The following PALM2AKAP2 variants were observed in gnomAD, a reference collection of about 807,000 sequenced individuals.
PALM2AKAP2 encodes the protein PALM2 and AKAP2 fusion, also known as PALM2-AKAP2 fusion protein.
A neutral mutation model predicts 71.5 loss-of-function variants in PALM2AKAP2; 37 were observed. That is an observed-to-expected ratio of 0.52 (90% CI 0.40 to 0.68). The LOEUF (loss-of-function observed/expected upper bound fraction) is 0.68. Ranked by LOEUF, PALM2AKAP2 falls within the 30% of genes least tolerant of loss-of-function variation. PALM2AKAP2 has a pLI of 0.00. For synonymous variants in PALM2AKAP2, 468 were observed against 478.8 expected, an observed-to-expected ratio of 0.98 and a Z score of 0.29; for missense variants, 1,224 against 1,191.8, an observed-to-expected ratio of 1.03 and a Z score of -0.40.
intron 6 of PALM2AKAP2, among the ~76,000 whole-genome samples, chr9:109,948,411 G>A (rs1831561449): frequency 6.6e-6 from 1 of 152,132 alleles, no homozygotes; most frequent in Admixed American, 6.5e-5. Flanking sequence ...AAAAGAACTT[G>A]ATTTCAATAT....
intron 1 of PALM2AKAP2, among the ~76,000 whole-genome samples, chr9:110,063,642 C>G (rs1322617863): frequency 6.6e-6 from 1 of 151,928 alleles, no homozygotes; most frequent in Non-Finnish European, 1.5e-5. Flanking sequence ...CAAAATTTCA[C>G]CACGTTGGCC....
rs76261117 is a variant in PALM2AKAP2 at position 109,942,780 on chromosome 9, T to A, written c.496+10752T>A. 6.1e-4 allele frequency: 992 copies of A among 1,614,070 alleles called. 10 individuals carry two copies. In the East Asian group the frequency reaches 0.02, roughly 33 times the overall value. The stretch of plus-strand genomic sequence containing the variant: ...CTACCATTGGCCCAGAGGGGGTCCA[T>A]CAGAAAGGAGTCAAAGTCTATGATG... On this transcript the variant is annotated intron_variant, in intron 6 of 9. Coordinates refer to the PALM2AKAP2 transcript ENST00000302798.
chr9:109,795,469 A>C (rs1457366007), intron 1 of PALM2AKAP2, among the ~76,000 whole-genome samples: 2 of 152,208 alleles, frequency 1.3e-5, no homozygotes, highest in African/African-American at 4.8e-5. Flanking sequence ...CTAAAACTTA[A>C]AGTATAATAA....
intron 1 of PALM2AKAP2, among the ~76,000 whole-genome samples, chr9:109,805,308 C>T (rs952232664): frequency 1.3e-5 from 2 of 152,212 alleles, no homozygotes; most frequent in Non-Finnish European, 2.9e-5. Flanking sequence ...GCCATGTGAT[C>T]ACCCTAGCTC....
chr9:110,025,060 G>T (rs1253033588), intron 7 of PALM2AKAP2: 4 of 1,137,028 alleles, frequency 3.5e-6, no homozygotes, highest in Non-Finnish European at 4.0e-6. Context: ...AAGCTATCTC[G>T]GCTCAGAGTG....
At chr9:109,641,880 T>C (rs1254237271) in intron 1 of PALM2AKAP2, among the ~76,000 whole-genome samples, 1 of 152,168 alleles carries the variant, frequency 6.6e-6, no homozygotes, top group Non-Finnish European at 1.5e-5. Flanking sequence ...TCTGATTGTG[T>C]AGATGCAATT....
chr9:110,074,002 T>G (rs576907890), intron 1 of PALM2AKAP2, among the ~76,000 whole-genome samples: 8 of 152,142 alleles, frequency 5.3e-5, no homozygotes, highest in Non-Finnish European at 1.0e-4. Flanking sequence ...AATCAAATAA[T>G]CAAATCTAAC....
intron 6 of PALM2AKAP2, among the ~76,000 whole-genome samples, chr9:109,983,451 T>C (rs12350963): frequency 0.51 from 77,052 of 151,808 alleles, 21,084 homozygotes; most frequent in Admixed American, 0.63. Flanking sequence ...CTTTTTTTCC[T>C]CTCTCTCTCC....
intron 1 of PALM2AKAP2, among the ~76,000 whole-genome samples, chr9:110,098,021 C>T (rs890162001): frequency 2.1e-5 from 3 of 143,894 alleles, no homozygotes; most frequent in East Asian, 3.9e-4. Flanking sequence ...ACCAGTCAGG[C>T]GTGGCGGCGC....
chr9:109,990,184 G>A (rs189663034), intron 6 of PALM2AKAP2, among the ~76,000 whole-genome samples: 336 of 150,244 alleles, frequency 2.2e-3, no homozygotes, highest in African/African-American at 8.0e-3. Context: ...TGATTCTCGT[G>A]CCTCAGCCTC....
intron 1 of PALM2AKAP2, among the ~76,000 whole-genome samples, chr9:110,075,169 G>A (rs959549579): frequency 8.5e-5 from 13 of 152,102 alleles, no homozygotes; most frequent in Non-Finnish European, 1.3e-4. Flanking sequence ...CAGACCTGTA[G>A]TTCACCCCTA....
intron 5 of PALM2AKAP2, 57 bp downstream of exon 5, chr9:109,925,139 G>C (rs1830926514): frequency 6.2e-7 from 1 of 1,610,780 alleles, no homozygotes; most frequent in South Asian, 1.1e-5. Context: ...CAGCTTAGGG[G>C]GTTTCATTAA....
chr9:110,143,427 AAAAAAG>A (rs1054194936), intron 2 of PALM2AKAP2, among the ~76,000 whole-genome samples: 3 of 151,334 alleles, frequency 2.0e-5, no homozygotes, highest in African/African-American at 7.3e-5. Context: ...AAAAAAAAAA[AAAAAAG>A]GAGAGAGAGA....
chr9:109,853,225 C>T (rs919420516), intron 1 of PALM2AKAP2, among the ~76,000 whole-genome samples: 24 of 152,038 alleles, frequency 1.6e-4, no homozygotes, highest in African/African-American at 4.6e-4. Flanking sequence ...CAGAACTGCG[C>T]GTGGCACCTG....
chr9:109,847,370 A>G (rs906521991), intron 1 of PALM2AKAP2, among the ~76,000 whole-genome samples: 9 of 152,196 alleles, frequency 5.9e-5, no homozygotes, highest in African/African-American at 7.2e-5. Flanking sequence ...ATTGTCCCCT[A>G]GAGCCTCCAA....
At chr9:109,690,007 G>GTTT (rs573446380) in intron 1 of PALM2AKAP2, among the ~76,000 whole-genome samples, 1 of 144,232 alleles carries the variant, frequency 6.9e-6, no homozygotes, top group African/African-American at 2.5e-5. Context: ...ATGGGGAAGA[G>GTTT]TTTTTTTTTT....
upstream of PALM2AKAP2, chr9:109,780,302 G>A (rs1311432772): frequency 7.6e-7 from 1 of 1,322,660 alleles, no homozygotes; most frequent in Middle Eastern, 2.9e-4. Context: ...GGGGGCCAGA[G>A]GCTGAGCCCG....
intron 1 of PALM2AKAP2, among the ~76,000 whole-genome samples, chr9:109,648,037 G>A (rs936954196): frequency 3.9e-5 from 6 of 152,122 alleles, no homozygotes; most frequent in African/African-American, 1.4e-4. Flanking sequence ...CTGGATTATG[G>A]GGATGGTTTC....
At chr9:109,788,642 C>G (rs986110377) in intron 1 of PALM2AKAP2, among the ~76,000 whole-genome samples, 4 of 152,144 alleles carry the variant, frequency 2.6e-5, no homozygotes, top group African/African-American at 9.7e-5. Flanking sequence ...AGATTATGAC[C>G]TGGGTCCTGA....
Sources: allele counts gnomAD v4.1 joint callset (sites outside exome capture counted in the v4.1 genomes callset), GRCh38; gene constraint gnomAD v4.1.1; transcripts MANE v1.5; gene names NCBI Gene and HGNC (gene_info 2026-07-23, HGNC 2026-07-21).